The following FOXN3 variants were observed in gnomAD, a reference collection of about 807,000 sequenced individuals.
FOXN3 encodes the protein forkhead box N3.
FOXN3 carries 7 observed loss-of-function variants against 38.4 expected under a neutral mutation model. The ratio of observed to expected loss-of-function variants is 0.18; its 90% CI spans 0.10 to 0.34. The LOEUF (loss-of-function observed/expected upper bound fraction) is 0.34. Among genes scored for constraint, FOXN3 ranks in the 10% least tolerant of loss-of-function variants. FOXN3 has a pLI of 1.00. For missense variants in FOXN3, 456 were observed against 613.4 expected, an observed-to-expected ratio of 0.74 and a Z score of 2.71; for synonymous variants, 230 against 242.2, an observed-to-expected ratio of 0.95 and a Z score of 0.47.
intron 3 of FOXN3, among the ~76,000 whole-genome samples, chr14:89,285,865 T>A (rs564554258): frequency 0.047 from 1,737 of 37,024 alleles, 23 homozygotes; most frequent in African/African-American, 0.095. Context: ...TACCAAAAAT[T>A]TTTTTTTTTT....
chr14:89,610,389 G>A (rs1896364484), intron 1 of FOXN3, among the ~76,000 whole-genome samples: 1 of 152,202 alleles, frequency 6.6e-6, no homozygotes, highest in Non-Finnish European at 1.5e-5. Flanking sequence ...GCTGGCATAG[G>A]TGCCCCACGT....
chr14:89,397,239 A>G (rs779367403), intron 2 of FOXN3, among the ~76,000 whole-genome samples: 4 of 152,092 alleles, frequency 2.6e-5, no homozygotes, highest in Non-Finnish European at 4.4e-5. Flanking sequence ...AATGATGAGA[A>G]CACATGGACA....
chr14:89,568,759 T>G (rs536843481), intron 1 of FOXN3, among the ~76,000 whole-genome samples: 2 of 152,328 alleles, frequency 1.3e-5, no homozygotes, highest in Admixed American at 1.3e-4. Context: ...AATTCAGTAT[T>G]TTTCACAATG....
At chr14:89,513,938 ACACG>A (rs148575991) in intron 1 of FOXN3, among the ~76,000 whole-genome samples, 1 of 150,282 alleles carries the variant, frequency 6.7e-6, no homozygotes, top group Admixed American at 6.7e-5. Flanking sequence ...ACGCACGCAC[ACACG>A]CACGCACACA....
chr14:89,196,211 T>C (rs1340977781), intron 4 of FOXN3, among the ~76,000 whole-genome samples: 2 of 152,242 alleles, frequency 1.3e-5, no homozygotes, highest in African/African-American at 4.8e-5. Flanking sequence ...TATATTATGC[T>C]GCAGGGAGAC....
chr14:89,466,188 T>C (rs1387316441), intron 1 of FOXN3, among the ~76,000 whole-genome samples: 1 of 152,224 alleles, frequency 6.6e-6, no homozygotes. Context: ...TTCTTCCTTT[T>C]CATCTCTTTT....
intron 3 of FOXN3, among the ~76,000 whole-genome samples, chr14:89,313,841 A>T (rs1456658185): frequency 6.6e-6 from 1 of 152,218 alleles, no homozygotes; most frequent in Non-Finnish European, 1.5e-5. Flanking sequence ...TACAACATGG[A>T]TGAATCTTGG....
intron 4 of FOXN3, among the ~76,000 whole-genome samples, chr14:89,236,501 C>T (rs374537351): frequency 3.3e-5 from 5 of 152,136 alleles, no homozygotes; most frequent in African/African-American, 1.2e-4. Context: ...GGCAACAGAG[C>T]GAGACTCTGT....
intron 4 of FOXN3, among the ~76,000 whole-genome samples, chr14:89,220,768 A>G (rs1016576583): frequency 2.6e-5 from 4 of 152,132 alleles, no homozygotes; most frequent in African/African-American, 7.2e-5. Flanking sequence ...AATTGTATCC[A>G]AGTGTTAATA....
chr14:89,528,298 G>C (rs1329934129), intron 1 of FOXN3, among the ~76,000 whole-genome samples: 1 of 142,394 alleles, frequency 7.0e-6, no homozygotes, highest in Non-Finnish European at 1.5e-5. Flanking sequence ...AAAACAAACT[G>C]TGATATATCC....
At chr14:89,378,739 G>A (rs1890557185) in intron 2 of FOXN3, among the ~76,000 whole-genome samples, 1 of 139,008 alleles carries the variant, frequency 7.2e-6, no homozygotes, top group South Asian at 2.2e-4. Context: ...AGAGTCTCAC[G>A]CTCTGCAGCC....
chr14:89,441,330 T>C (rs528953320), intron 1 of FOXN3, among the ~76,000 whole-genome samples: 1 of 151,418 alleles, frequency 6.6e-6, no homozygotes, highest in East Asian at 1.9e-4. Flanking sequence ...CTGAACCCTA[T>C]GTAACCCATC....
At chr14:89,257,124 C>T (rs1000203221) in intron 4 of FOXN3, among the ~76,000 whole-genome samples, 2 of 152,160 alleles carry the variant, frequency 1.3e-5, no homozygotes, top group Admixed American at 6.5e-5. Flanking sequence ...AGGGCTAGGG[C>T]AGGAGGAGGT....
chr14:89,517,039 C>A (rs1010629997), intron 1 of FOXN3, among the ~76,000 whole-genome samples: 3 of 152,180 alleles, frequency 2.0e-5, no homozygotes, highest in African/African-American at 7.2e-5. Flanking sequence ...TGTGCTGTGT[C>A]TCTAGGATTG....
chr14:89,589,281 C>T lies in FOXN3; in HGVS notation c.-15+29747G>A, dbSNP rs887623179. On this transcript the variant is annotated intron_variant, in intron 1 of 6. Coordinates refer to the FOXN3 transcript ENST00000345097. ...CACACCCTTCTCTCCAGACCACTACCCAGACTTACAAAAGCATTTCAGATT... is the reference window on the plus strand; with the variant it reads ...CACACCCTTCTCTCCAGACCACTACTCAGACTTACAAAAGCATTTCAGATT... Among the ~76,000 whole-genome samples the T allele has an allele frequency of 1.1e-3, 166 of 152,102 alleles. 1 individual carries two copies. Among genetic ancestry groups the T allele is most frequent in the African/African-American group, 3.8e-3 (159 of 41,404 alleles).
chr14:89,392,842 T>G (rs1351846756), intron 2 of FOXN3, among the ~76,000 whole-genome samples: 2 of 149,952 alleles, frequency 1.3e-5, no homozygotes, highest in Non-Finnish European at 3.0e-5. Flanking sequence ...CATCTCGCTC[T>G]GTCGCCCAGG....
At chr14:89,175,705 G>C (rs1285997744) in intron 5 of FOXN3, among the ~76,000 whole-genome samples, 1 of 152,152 alleles carries the variant, frequency 6.6e-6, no homozygotes, top group Non-Finnish European at 1.5e-5. Flanking sequence ...TATTTTGTTG[G>C]TTCAGTTGCT....
At chr14:89,179,669 T>C (rs1027232418) in intron 5 of FOXN3, among the ~76,000 whole-genome samples, 4 of 152,084 alleles carry the variant, frequency 2.6e-5, no homozygotes, top group Non-Finnish European at 5.9e-5. Flanking sequence ...ACTGCTACCA[T>C]ACAGGGTCAC....
chr14:89,459,058 T>G (rs1282276020), intron 1 of FOXN3, among the ~76,000 whole-genome samples: 1 of 152,302 alleles, frequency 6.6e-6, no homozygotes, highest in South Asian at 2.1e-4. Flanking sequence ...CTCAACACTT[T>G]GGTCTGTGAA....
Sources: allele counts gnomAD v4.1 joint callset (sites outside exome capture counted in the v4.1 genomes callset), GRCh38; gene constraint gnomAD v4.1.1; transcripts MANE v1.5; gene names NCBI Gene and HGNC (gene_info 2026-07-23, HGNC 2026-07-21).